The following CCDC57 variants were observed in gnomAD, a reference collection of about 807,000 sequenced individuals.
CCDC57 encodes the protein coiled-coil domain containing 57.
Under a neutral mutation model 118.9 loss-of-function variants are expected in CCDC57, and 118 were observed. The observed-to-expected ratio is 0.99, with a 90% CI of 0.86 to 1.16. CCDC57 has a LOEUF of 1.16. Ranked by LOEUF, CCDC57 falls within the 50% of genes most tolerant of loss-of-function variation. The pLI, the probability that CCDC57 is intolerant of heterozygous loss-of-function variation, is 0.00. For synonymous variants in CCDC57, 527 were observed against 532.9 expected, an observed-to-expected ratio of 0.99 and a Z score of 0.15; for missense variants, 1,300 against 1,320.7, an observed-to-expected ratio of 0.98 and a Z score of 0.24.
At chr17:82,133,137 A>G (rs972867835) in intron 17 of CCDC57, among the ~76,000 whole-genome samples, 1 of 152,032 alleles carries the variant, frequency 6.6e-6, no homozygotes, top group African/African-American at 2.4e-5. Flanking sequence ...TTGAGAGGCC[A>G]TGGTGGGCAG....
chr17:82,185,254 G>C (rs970017266), intron 8 of CCDC57: 1 of 152,338 alleles, frequency 6.6e-6, no homozygotes, highest in Non-Finnish European at 1.5e-5. Flanking sequence ...AGGAGGTCGA[G>C]GCTCCAGTGA....
intron 2 of CCDC57, among the ~76,000 whole-genome samples, chr17:82,207,337 AT>A (rs1414117772): frequency 1.3e-5 from 2 of 151,642 alleles, no homozygotes; most frequent in African/African-American, 4.9e-5. Context: ...TGTCTCAAAA[AT>A]AAAAAAAAAA....
intron 16 of CCDC57, among the ~76,000 whole-genome samples, chr17:82,143,482 A>T (rs1568239835): frequency 6.1e-3 from 281 of 45,704 alleles, no homozygotes; most frequent in African/African-American, 0.019. Context: ...ACACACACAC[A>T]GGCACACACA....
intron 19 of CCDC57, among the ~76,000 whole-genome samples, chr17:82,109,811 C>A (rs1264019892): frequency 7.9e-5 from 12 of 151,330 alleles, no homozygotes; most frequent in Non-Finnish European, 1.5e-4. Context: ...GAGCTGAGAT[C>A]GCGCCACCGC....
intron 11 of CCDC57, among the ~76,000 whole-genome samples, chr17:82,177,072 C>A (rs1217175367): frequency 1.3e-5 from 2 of 151,934 alleles, no homozygotes; most frequent in Non-Finnish European, 2.9e-5. Context: ...ATGGAGAAAC[C>A]CCATCTCTAC....
At chr17:82,201,558 C>T (rs1393948458) in exon 3 of CCDC57, 1 of 1,609,084 alleles carries the variant, frequency 6.2e-7, no homozygotes, top group Non-Finnish European at 8.5e-7. Context: ...GCTCCAGCTC[C>T]AGGCGATGCT....
chr17:82,122,603 T>C (rs2036873776), intron 19 of CCDC57, among the ~76,000 whole-genome samples: 1 of 150,938 alleles, frequency 6.6e-6, no homozygotes, highest in African/African-American at 2.4e-5. Flanking sequence ...GAGCCCTTGG[T>C]CTCTGACCCA....
intron 19 of CCDC57, among the ~76,000 whole-genome samples, chr17:82,123,122 CTTTTTTTT>C (rs34869339): frequency 2.8e-5 from 3 of 105,766 alleles, no homozygotes; most frequent in Non-Finnish European, 5.6e-5. Flanking sequence ...CTCCTAATAA[CTTTTTTTT>C]TTTTTTTTTT....
At chr17:82,175,205 C>T (rs1327872339) in intron 11 of CCDC57, among the ~76,000 whole-genome samples, 7 of 152,220 alleles carry the variant, frequency 4.6e-5, no homozygotes, top group African/African-American at 1.4e-4. Flanking sequence ...GAGAAACAGT[C>T]GCATGAGGGG....
At chr17:82,211,910 G>A (rs2050199522) in intron 1 of CCDC57, among the ~76,000 whole-genome samples, 1 of 152,118 alleles carries the variant, frequency 6.6e-6, no homozygotes, top group Non-Finnish European at 1.5e-5. Flanking sequence ...GATAATTTAA[G>A]CCCCTGTACC....
intron 19 of CCDC57, among the ~76,000 whole-genome samples, chr17:82,115,790 AC>A (rs1345151292): frequency 2.6e-4 from 31 of 121,228 alleles, no homozygotes; most frequent in African/African-American, 9.9e-4. Context: ...AATTTATGCA[AC>A]CTTTTTTTTT....
At chr17:82,174,759 T>C (rs2045255684) in intron 11 of CCDC57, among the ~76,000 whole-genome samples, 1 of 152,388 alleles carries the variant, frequency 6.6e-6, no homozygotes, top group Non-Finnish European at 1.5e-5. Context: ...ATTTGTCTTT[T>C]AAATTGTTTA....
chr17:82,201,146 C>T (rs1009415988), intron 3 of CCDC57, among the ~76,000 whole-genome samples: 8 of 152,188 alleles, frequency 5.3e-5, no homozygotes, highest in East Asian at 3.8e-4. Context: ...GTTTTTATGT[C>T]GACTTGCCTT....
chr17:82,145,477 G>A (rs2040599885), intron 16 of CCDC57, among the ~76,000 whole-genome samples: 1 of 151,994 alleles, frequency 6.6e-6, no homozygotes, highest in Non-Finnish European at 1.5e-5. Flanking sequence ...AACCCGGGAG[G>A]CGGAGGCTGC....
Position 82,157,750 on chromosome 17 carries a change from C to A in CCDC57, c.2239G>T (p.Glu747Ter). 6.3e-7 allele frequency: 1 copy of A among 1,591,516 alleles called. No homozygotes were observed. Among genetic ancestry groups the A allele is most frequent in the East Asian group, 2.3e-5 (1 of 43,724 alleles). ...AGGAGGAGCTAGCGGGCACCCACCT[C>A]TCTCCCAAGGGCCACGGCGTCCGAG... Residue 747 changes from glutamate (E) to a stop codon, truncating the protein, a stop_gained and splice_region_variant, in exon 15 of 20, where the codon GAG (glutamate) becomes TAG (stop). Coordinates refer to ENST00000665763, the Ensembl canonical transcript of CCDC57. LOFTEE classifies it high-confidence loss of function.
chr17:82,137,257 A>G (rs1446782487), intron 16 of CCDC57, among the ~76,000 whole-genome samples: 1 of 151,318 alleles, frequency 6.6e-6, no homozygotes, highest in East Asian at 2.0e-4. Context: ...CAAGCATCCT[A>G]TGATCCGCCC....
chr17:82,185,743 C>T (rs923392608), intron 8 of CCDC57, among the ~76,000 whole-genome samples: 17 of 147,502 alleles, frequency 1.2e-4, no homozygotes, highest in East Asian at 2.1e-4. Flanking sequence ...TGGCCAGGCA[C>T]GGTGGCTCAT....
chr17:82,160,809 G>A (rs1194654717), intron 14 of CCDC57, among the ~76,000 whole-genome samples: 2 of 148,464 alleles, frequency 1.3e-5, no homozygotes, highest in East Asian at 3.9e-4. Flanking sequence ...GGGAGGCGGA[G>A]GTTGCAGTCA....
At chr17:82,162,149 G>A (rs1013761584) in intron 14 of CCDC57, among the ~76,000 whole-genome samples, 7 of 151,914 alleles carry the variant, frequency 4.6e-5, no homozygotes, top group Non-Finnish European at 7.4e-5. Context: ...ATGGGTACCC[G>A]CCACCACTCC....
Sources: allele counts gnomAD v4.1 joint callset (sites outside exome capture counted in the v4.1 genomes callset), GRCh38; gene constraint gnomAD v4.1.1; transcripts MANE v1.5; gene names NCBI Gene and HGNC (gene_info 2026-07-23, HGNC 2026-07-21).